GTF3C1: variants seen among roughly 807,000 people sequenced by gnomAD.
GTF3C1 encodes general transcription factor 3C polypeptide 1.
Under a neutral mutation model 226.7 loss-of-function variants are expected in GTF3C1, and 57 were observed. The ratio of observed to expected loss-of-function variants is 0.25; its 90% confidence interval spans 0.20 to 0.31. The LOEUF (loss-of-function observed/expected upper bound fraction) is 0.31. Among genes scored for constraint, GTF3C1 ranks in the 10% least tolerant of loss-of-function variants. The probability of loss-of-function intolerance (pLI) is 1.00; values close to 1 mark genes in which losing one functional copy is unlikely to be tolerated. For synonymous variants in GTF3C1, 1,090 were observed against 1,084.8 expected (o/e 1.00, Z -0.09); for missense variants, 2,217 against 2,776.1 (o/e 0.80, Z 4.53).
At chr16:27,543,816 T>C (rs1377436478) in intron 2 of GTF3C1, among the ~76,000 whole-genome samples, 2 of 152,136 alleles carry the variant, frequency 1.3e-5, no homozygotes, top group African/African-American at 2.4e-5. Flanking sequence ...CTTAACAGTG[T>C]AGCAGGGTCA....
rs2141335603 is a variant in GTF3C1, at chr16:27,462,149, C to T, written c.6117+145G>A. On this transcript the variant is annotated intron_variant, in intron 36 of 36. Transcript: ENST00000356183. This position sits in a 1 kb window ranked among gnomAD's most constrained non-coding sequence, Gnocchi z 4.5. Reference sequence around the variant, plus strand: ...GGACACTGAGGGACAGCCTGAGAGGCAGGAGCCCAGGACAAGCTGGGGGAG... The same window carrying T: ...GGACACTGAGGGACAGCCTGAGAGGTAGGAGCCCAGGACAAGCTGGGGGAG... 6.4e-6 allele frequency: 4 copies of T among 624,668 alleles called. No homozygotes were observed. The highest frequency in any genetic ancestry group is 2.8e-6 in the Non-Finnish European group (1 of 353,044). The allele number at this position is 624,668 out of a possible 1,614,324, so 38.7% of individuals were successfully genotyped here.
rs1358688204 is a variant in GTF3C1, at chr16:27,464,794, T to C, written c.5398A>G (p.Thr1800Ala). 6.5e-7 allele frequency: 1 copy of C among 1,531,636 alleles called. No homozygotes were observed. The highest frequency in any genetic ancestry group is 1.3e-5 in the South Asian group (1 of 79,542). The allele number at this position is 1,531,636 out of a possible 1,614,324, so 94.9% of individuals were successfully genotyped here. Residue 1800 changes from threonine (T) to alanine (A), a missense_variant, in exon 34 of 37, where the codon ACT becomes GCT. Physicochemically the swap from Thr to Ala is moderately conservative, Grantham distance 58. Around this residue, in one of 12 missense-constraint regions of GTF3C1, gnomAD observed 455 missense variants for 441.9 expected, o/e 1.03. Transcript: ENST00000356183. The part of the protein sequence containing the change: ...QHQVLEVGGN[T>A]ARLVAMGSAW... ...GAGCCCATGGCTACCAGGCGCGCAG[T>C]GTTGCCACCGACCTCCAGCACCTGA...
chr16:27,505,768 AC>A, intron 10 of GTF3C1, 130 bp downstream of exon 10: 2 of 644,228 alleles, frequency 3.1e-6, no homozygotes, highest in Non-Finnish European at 5.6e-6. Context: ...CCTGGGAAGC[AC>A]AGGCAGGCCT....
intron 2 of GTF3C1, among the ~76,000 whole-genome samples, chr16:27,538,998 ACTC>A (rs2089042849): frequency 8.6e-6 from 1 of 116,872 alleles, no homozygotes; most frequent in East Asian, 2.5e-4. Flanking sequence ...ACACACACAC[ACTC>A]ATCTTTTTTT....
chr16:27,544,637 A>G (rs185783748), intron 2 of GTF3C1, among the ~76,000 whole-genome samples: 175 of 152,170 alleles, frequency 1.2e-3, no homozygotes, highest in Non-Finnish European at 1.9e-3. Context: ...AGTAGGAAGG[A>G]AGGCAGGAAT....
chr16:27,481,070 A>G lies in GTF3C1; in HGVS notation c.4196+9T>C, dbSNP rs373258288. Reference sequence around the variant, plus strand: ...AGGGCCACATGGAACCATCCCAGAAACGGCTTACCTGGCGAACAGCTCCTG... The same window carrying G: ...AGGGCCACATGGAACCATCCCAGAAGCGGCTTACCTGGCGAACAGCTCCTG... On this transcript the variant is annotated intron_variant, in intron 27 of 36. Transcript: ENST00000356183. 43 of 1,610,896 alleles carry G rather than the reference A, an allele frequency of 2.7e-5. No homozygotes were observed. The highest frequency in any genetic ancestry group is 3.7e-5 in the Non-Finnish European group (43 of 1,177,226).
chr16:27,514,018 T>C (rs2088616848), intron 6 of GTF3C1, among the ~76,000 whole-genome samples: 1 of 152,118 alleles, frequency 6.6e-6, no homozygotes, highest in South Asian at 2.1e-4. Flanking sequence ...AGTTCACAAA[T>C]AAGCATCTCA....
intron 12 of GTF3C1, 143 bp from the exon 13 acceptor site, chr16:27,498,876 T>G (rs1596635726): frequency 1.6e-6 from 1 of 634,784 alleles, no homozygotes; most frequent in Non-Finnish European, 2.9e-6. Flanking sequence ...GAAACAAAAT[T>G]TGTTGCTCAA....
chr16:27,496,280 T>C (rs897636114), intron 14 of GTF3C1, among the ~76,000 whole-genome samples: 8 of 152,196 alleles, frequency 5.3e-5, no homozygotes, highest in Non-Finnish European at 1.2e-4. Context: ...CTCTTTTCTT[T>C]ACAAATGACC....
At chr16:27,548,036 G>T (rs1026574970) in intron 1 of GTF3C1, among the ~76,000 whole-genome samples, 5 of 151,988 alleles carry the variant, frequency 3.3e-5, no homozygotes, top group Admixed American at 2.6e-4. Flanking sequence ...GACCCCTCAG[G>T]GCCTCGATTT....
Position 27,469,536 on chromosome 16 carries a change from C to T in GTF3C1, c.4829G>A (p.Gly1610Asp). 1 of 1,610,738 alleles carries T rather than the reference C, an allele frequency of 6.2e-7. No individual in the cohort carries two copies. The highest frequency in any genetic ancestry group is 8.5e-7 in the Non-Finnish European group (1 of 1,177,154). Residue 1610 changes from glycine (G) to aspartate (D), a missense_variant, in exon 32 of 37, where the codon GGC (glycine) becomes GAC (aspartate). This residue lies in a region of GTF3C1 where 546 missense variants were observed against 663.0 expected (regional missense o/e 0.82). Coordinates refer to ENST00000356183, the MANE Select transcript of GTF3C1 (RefSeq NM_001520.4). This position sits in a 1 kb window ranked among gnomAD's most constrained non-coding sequence, Gnocchi z 4.5. ...NEVIKSLGKD[G>D]SLEDDEDEED... ...TTCATCCTCGTCATCCTCCAGGCTG[C>T]CGTCCTTCCCCAAGCTAGAAGGGAA...
chr16:27,543,188 C>T (rs906013932), intron 2 of GTF3C1, among the ~76,000 whole-genome samples: 1 of 152,186 alleles, frequency 6.6e-6, no homozygotes, highest in Non-Finnish European at 1.5e-5. Flanking sequence ...GTGTTCAAGA[C>T]CGGCCTAGCC....
At chr16:27,515,026 C>T (rs909158783) in intron 6 of GTF3C1, among the ~76,000 whole-genome samples, 1 of 152,174 alleles carries the variant, frequency 6.6e-6, no homozygotes, top group African/African-American at 2.4e-5. Context: ...CCTTAAGAGG[C>T]TAATTGGCTA....
At chr16:27,488,515 A>G in intron 22 of GTF3C1, 39 bp downstream of exon 22, 1 of 1,578,924 alleles carries the variant, frequency 6.3e-7, no homozygotes, top group Non-Finnish European at 8.7e-7. Context: ...CTGAACTGGT[A>G]CCATATTAAC....
At position 27,507,087 on chromosome 16, in the gene GTF3C1, C is replaced by T. The variant is rs377467621; in HGVS notation, c.1312G>A (p.Asp438Asn). 19 of 1,613,644 alleles carry T rather than the reference C, an allele frequency of 1.2e-5. No homozygotes were observed. The highest frequency in any genetic ancestry group is 1.4e-5 in the Non-Finnish European group (17 of 1,179,928). The change falls in exon 9 of 37, where the codon GAC (aspartate) becomes AAC (asparagine). Residue 438 changes from aspartate to asparagine, a missense_variant. This residue lies in a region of GTF3C1 where 25 missense variants were observed against 71.9 expected (regional missense o/e 0.35). Transcript: ENST00000356183. The surrounding 1 kb of genome is among the most constrained non-coding windows in gnomAD (Gnocchi z 4.9). The part of the protein sequence containing the change: ...YISCVFAEES[D>N]LSRQYQREKA... Reference sequence around the variant, plus strand: ...TCTCTTTGGTACTGCCGGCTTAGGTCGCTCTCCTCTGCAAACACGCAGGAA... The same window carrying T: ...TCTCTTTGGTACTGCCGGCTTAGGTTGCTCTCCTCTGCAAACACGCAGGAA...
rs2088500809 is a variant in GTF3C1, at chr16:27,507,288, T to C, written c.1243-132A>G. 4 of 676,008 alleles carry C rather than the reference T, an allele frequency of 5.9e-6. No homozygotes were observed. The highest frequency in any genetic ancestry group is 1.0e-5 in the Non-Finnish European group (4 of 400,080). 41.9% of individuals were successfully genotyped at this position (676,008 alleles called of 1,614,324 possible). ...CCTGTCTTACTGCCTGGGCCCTGGG[T>C]TGGGCACCACTGATGCTCCCTCCAG... On this transcript the variant is annotated intron_variant, in intron 8 of 36. Transcript: ENST00000356183. This position sits in a 1 kb window ranked among gnomAD's most constrained non-coding sequence, Gnocchi z 4.9.
chr16:27,481,022 T>TG (rs2088036594), intron 27 of GTF3C1, 57 bp downstream of exon 27: 8 of 1,389,682 alleles, frequency 5.8e-6, no homozygotes. Context: ...GAGACAGGGC[T>TG]GGCCTTTTCT....
chr16:27,514,938 C>T (rs113993785), intron 6 of GTF3C1, among the ~76,000 whole-genome samples: 4 of 152,232 alleles, frequency 2.6e-5, no homozygotes, highest in East Asian at 3.9e-4. Context: ...AGCAGCAGCA[C>T]GACACAGCAC....
At chr16:27,476,807 C>A (rs1458738271) in intron 28 of GTF3C1, among the ~76,000 whole-genome samples, 2 of 152,210 alleles carry the variant, frequency 1.3e-5, no homozygotes, top group African/African-American at 4.8e-5. Context: ...GTTAGTACTT[C>A]TCGTTTCTTT....
Sources: allele counts gnomAD v4.1 joint callset (sites outside exome capture counted in the v4.1 genomes callset), GRCh38; gene constraint gnomAD v4.1.1; regional missense constraint gnomAD v4.1.1; non-coding constraint Gnocchi (gnomAD v3.1); transcripts MANE v1.5; gene names NCBI Gene and HGNC (gene_info 2026-07-23, HGNC 2026-07-21).